WDR27: variants seen among roughly 807,000 people sequenced by gnomAD.
WDR27 encodes the protein WD repeat-containing protein 27.
A neutral mutation model predicts 114.4 loss-of-function variants in WDR27; 100 were observed. The ratio of observed to expected loss-of-function variants is 0.87; its 90% CI spans 0.74 to 1.03. The LOEUF (loss-of-function observed/expected upper bound fraction) is 1.03, where lower values mean the gene tolerates loss of function less well. Among genes scored for constraint, WDR27 ranks in the 50% least tolerant of loss-of-function variants. The probability of loss-of-function intolerance (pLI) is 0.00; values close to 1 mark genes in which losing one functional copy is unlikely to be tolerated. For synonymous variants in WDR27, 449 were observed against 423.1 expected (o/e 1.06, Z -0.75); for missense variants, 1,129 against 1,092.9 (o/e 1.03, Z -0.47).
At chr6:169,444,198 A>T in the WDR27 span, among the ~76,000 whole-genome samples, 1 of 152,270 alleles carries the variant, frequency 6.6e-6, no homozygotes, top group African/African-American at 2.4e-5. Flanking sequence ...TCCCGCAAAA[A>T]CTTACGCGCT....
intron 25 of WDR27, among the ~76,000 whole-genome samples, chr6:169,487,940 T>G (rs1293083781): frequency 6.6e-6 from 1 of 152,188 alleles, no homozygotes; most frequent in Non-Finnish European, 1.5e-5. Context: ...AGCTGAGCCC[T>G]TTTACTCCCA....
At chr6:169,466,838 A>G (rs981213356) in intron 25 of WDR27, among the ~76,000 whole-genome samples, 30 of 152,196 alleles carry the variant, frequency 2.0e-4, no homozygotes, top group African/African-American at 6.8e-4. Context: ...CAGTCCCCCA[A>G]AGTCTTAACT....
chr6:169,479,903 G>A lies in WDR27; in HGVS notation c.2646-22269C>T, dbSNP rs142864199. The stretch of plus-strand genomic sequence containing the variant: ...GTGCTAGCAGCCCTCGCTTGCTCTC[G>A]GCACCTCCTCGGCTTCGGCATCCAC... On this transcript the variant is annotated intron_variant, in intron 25 of 25. Transcript: ENST00000448612. Among the ~76,000 whole-genome samples, 1,309 of 152,226 alleles carry A rather than the reference G, an allele frequency of 8.6e-3. 8 individuals are homozygous for A. Among genetic ancestry groups the A allele is most frequent in the Non-Finnish European group, 0.013 (906 of 68,000 alleles).
chr6:169,584,305 A>AT (rs1220503395), intron 23 of WDR27, among the ~76,000 whole-genome samples: 1 of 152,030 alleles, frequency 6.6e-6, no homozygotes, highest in African/African-American at 2.4e-5. Flanking sequence ...CCTATATCAT[A>AT]TTTTTTATTA....
chr6:169,502,635 A>G (rs367770306), intron 25 of WDR27, among the ~76,000 whole-genome samples: 28 of 151,966 alleles, frequency 1.8e-4, no homozygotes, highest in African/African-American at 3.6e-4. Flanking sequence ...CATCCTTCGG[A>G]GGCGGAAGCG....
At chr6:169,649,080 G>C in intron 15 of WDR27, 118 bp downstream of exon 15, 1 of 773,930 alleles carries the variant, frequency 1.3e-6, no homozygotes. Context: ...GTGTACATAT[G>C]TGTGTAAACA....
At chr6:169,441,159 A>G in the WDR27 span, among the ~76,000 whole-genome samples, 2 of 152,132 alleles carry the variant, frequency 1.3e-5, 1 homozygote, top group Admixed American at 1.3e-4. Flanking sequence ...CTGCCCTAAG[A>G]AAGGTTTTGG....
chr6:169,600,367 A>C (rs1175919538), intron 23 of WDR27, among the ~76,000 whole-genome samples: 7 of 152,286 alleles, frequency 4.6e-5, no homozygotes, highest in Non-Finnish European at 1.0e-4. Flanking sequence ...ATGGGGAAAA[A>C]ACAGAGCAGA....
At chr6:169,504,337 G>A (rs911478816) in intron 25 of WDR27, among the ~76,000 whole-genome samples, 1 of 152,166 alleles carries the variant, frequency 6.6e-6, no homozygotes, top group East Asian at 1.9e-4. Flanking sequence ...CATGTGTCAA[G>A]GGTAGGACCA....
chr6:169,650,618 C>T (rs532926993), intron 14 of WDR27, among the ~76,000 whole-genome samples: 164 of 150,398 alleles, frequency 1.1e-3, no homozygotes, highest in Non-Finnish European at 4.3e-4. Context: ...TCCATCCATG[C>T]TCCCACTCAT....
intron 25 of WDR27, among the ~76,000 whole-genome samples, chr6:169,539,820 A>G (rs912635020): frequency 2.6e-5 from 4 of 152,132 alleles, no homozygotes; most frequent in Admixed American, 2.0e-4. Flanking sequence ...AAACACAATA[A>G]CCCCTGTGGA....
intron 1 of WDR27, among the ~76,000 whole-genome samples, chr6:169,698,442 C>T (rs935114780): frequency 2.6e-5 from 4 of 152,128 alleles, no homozygotes; most frequent in Non-Finnish European, 4.4e-5. Flanking sequence ...GTGTCCACGT[C>T]GAGAACATGA....
intron 25 of WDR27, among the ~76,000 whole-genome samples, chr6:169,464,422 A>G (rs1785285270): frequency 6.6e-6 from 1 of 152,210 alleles, no homozygotes; most frequent in African/African-American, 2.4e-5. Context: ...ATCCAAAATA[A>G]TAAAATTTTA....
At chr6:169,556,284 G>C (rs1056908478) in intron 25 of WDR27, among the ~76,000 whole-genome samples, 10 of 152,154 alleles carry the variant, frequency 6.6e-5, no homozygotes, top group African/African-American at 2.4e-4. Context: ...TCCTTGGTGA[G>C]CTTGCAAGCA....
chr6:169,626,069 TAA>T (rs1814729631), intron 21 of WDR27, among the ~76,000 whole-genome samples: 1 of 152,170 alleles, frequency 6.6e-6, no homozygotes, highest in East Asian at 1.9e-4. Context: ...GCTTTTATCC[TAA>T]AAGCTGCTGG....
chr6:169,607,181 A>G (rs1035211721), intron 22 of WDR27, among the ~76,000 whole-genome samples: 8 of 152,188 alleles, frequency 5.3e-5, no homozygotes, highest in Admixed American at 5.2e-4. Context: ...CAATGTGAAG[A>G]TCTCTCAAAG....
intron 9 of WDR27, among the ~76,000 whole-genome samples, chr6:169,660,996 G>T (rs1825939585): frequency 6.6e-6 from 1 of 150,844 alleles, no homozygotes; most frequent in South Asian, 2.1e-4. Flanking sequence ...CCGCAGGAGT[G>T]GGGAGCGTGG....
chr6:169,451,537 A>G, the WDR27 span, among the ~76,000 whole-genome samples: 1 of 152,348 alleles, frequency 6.6e-6, no homozygotes, highest in African/African-American at 2.4e-5. Context: ...TTTCTCATAG[A>G]TAAGTACCTA....
intron 21 of WDR27, among the ~76,000 whole-genome samples, chr6:169,631,221 C>A (rs1816263951): frequency 6.6e-6 from 1 of 152,184 alleles, no homozygotes; most frequent in South Asian, 2.1e-4. Flanking sequence ...CTTCACTCAT[C>A]TGAGACACCC....
Sources: gnomAD v4.1 joint callset for allele counts (sites outside exome capture counted in the v4.1 genomes callset) on GRCh38, gnomAD v4.1.1 for gene constraint, MANE v1.5 for transcripts, NCBI Gene and HGNC (gene_info 2026-07-23, HGNC 2026-07-21) for gene names.